Variants in PRKCA observed in about 807,000 individuals in gnomAD.
PRKCA encodes protein kinase C alpha type.
Under a neutral mutation model 87.0 loss-of-function variants are expected in PRKCA, and 27 were observed. That is an observed-to-expected ratio of 0.31 (90% CI 0.23 to 0.43). PRKCA has a LOEUF of 0.43. Ranked by LOEUF, PRKCA falls within the 20% of genes least tolerant of loss-of-function variation. PRKCA has a pLI of 1.00. For missense variants in PRKCA, 518 were observed against 852.3 expected (o/e 0.61, Z 4.88); for synonymous variants, 329 against 311.1 (o/e 1.06, Z -0.61).
intron 2 of PRKCA, among the ~76,000 whole-genome samples, chr17:66,488,239 G>A (rs768885375): frequency 1.3e-5 from 2 of 152,160 alleles, no homozygotes; most frequent in African/African-American, 2.4e-5. Flanking sequence ...TCAAACTGGC[G>A]TGAACAATAA....
At chr17:66,697,320 C>T (rs1006587352) in intron 8 of PRKCA, among the ~76,000 whole-genome samples, 3 of 152,198 alleles carry the variant, frequency 2.0e-5, no homozygotes, top group Non-Finnish European at 2.9e-5. Flanking sequence ...CCATCATTCC[C>T]CTGTAGACGC....
In PRKCA at chr17:66,803,938, T is replaced by C. The variant is rs1975962581; in HGVS notation, c.1920T>C (p.Pro640=). The part of the protein sequence containing the change: ...FTRGQPVLTP[P]DQLVIANIDQ... ...GAGGACAGCCCGTCTTAACACCACC[T>C]GATCAGCTGGTTATTGCTAACATAG... Residue 640 remains proline, a synonymous_variant, in exon 17 of 17, where the codon CCT becomes CCC. Transcript: ENST00000413366. The surrounding 1 kb of genome is among the most constrained non-coding windows in gnomAD (Gnocchi z 4.4). The C allele has an allele frequency of 6.2e-7, 1 of 1,614,084 alleles. No homozygotes were observed. The highest frequency in any genetic ancestry group is 1.3e-5 in the African/African-American group (1 of 75,060).
At chr17:66,387,743 C>G (rs1212333522) in intron 2 of PRKCA, among the ~76,000 whole-genome samples, 1 of 152,192 alleles carries the variant, frequency 6.6e-6, no homozygotes, top group Non-Finnish European at 1.5e-5. Flanking sequence ...GGGTGCCCCG[C>G]AGCAGTTAGA....
chr17:66,547,829 A>G (rs1968193892), intron 3 of PRKCA, among the ~76,000 whole-genome samples: 1 of 152,244 alleles, frequency 6.6e-6, no homozygotes, highest in African/African-American at 2.4e-5. Flanking sequence ...GCAAGCAAAG[A>G]AACCATCTTA....
chr17:66,310,343 A>T (rs978942634), intron 2 of PRKCA, among the ~76,000 whole-genome samples: 5 of 152,162 alleles, frequency 3.3e-5, no homozygotes, highest in Non-Finnish European at 7.3e-5. Context: ...CATGACCAAC[A>T]GGAGCCTGTT....
chr17:66,606,029 C>T (rs374798136), intron 3 of PRKCA, among the ~76,000 whole-genome samples: 29 of 152,260 alleles, frequency 1.9e-4, no homozygotes, highest in African/African-American at 6.7e-4. Context: ...TAAAAACCAT[C>T]GAACTGTATA....
chr17:66,509,073 C>T (rs1366694086), intron 3 of PRKCA, among the ~76,000 whole-genome samples: 2 of 152,086 alleles, frequency 1.3e-5, no homozygotes, highest in African/African-American at 4.8e-5. Context: ...TAATAGGCTT[C>T]CCCTGGCGCT....
At chr17:66,544,324 C>G (rs1045122711) in intron 3 of PRKCA, among the ~76,000 whole-genome samples, 4 of 152,142 alleles carry the variant, frequency 2.6e-5, no homozygotes, top group African/African-American at 9.7e-5. Flanking sequence ...ACTATAAACA[C>G]TAGTATTCTA....
chr17:66,696,284 A>G (rs980453447), intron 8 of PRKCA: 5 of 152,212 alleles, frequency 3.3e-5, no homozygotes, highest in Non-Finnish European at 7.3e-5. Context: ...CAGATTACTC[A>G]ATGTTTGAGC....
At chr17:66,453,730 C>T (rs1466694538) in intron 2 of PRKCA, among the ~76,000 whole-genome samples, 2 of 152,128 alleles carry the variant, frequency 1.3e-5, no homozygotes, top group Non-Finnish European at 2.9e-5. Flanking sequence ...CAGAGTAGGG[C>T]TTCCTGGGAC....
intron 3 of PRKCA, among the ~76,000 whole-genome samples, chr17:66,514,362 C>T (rs140480164): frequency 5.9e-4 from 90 of 152,120 alleles, no homozygotes; most frequent in African/African-American, 1.7e-3. Flanking sequence ...TGAAACATAC[C>T]CACCCATCTG....
chr17:66,738,258 G>A (rs953868933), intron 10 of PRKCA, among the ~76,000 whole-genome samples: 4 of 152,188 alleles, frequency 2.6e-5, no homozygotes, highest in Non-Finnish European at 5.9e-5. Flanking sequence ...TAAATATATT[G>A]AGCATGTGTA....
chr17:66,760,668 A>G (rs1473799417), intron 13 of PRKCA, among the ~76,000 whole-genome samples: 1 of 152,246 alleles, frequency 6.6e-6, no homozygotes, highest in African/African-American at 2.4e-5. Flanking sequence ...AAGAGAGAGC[A>G]CAAGTTACTA....
chr17:66,517,985 A>C (rs897792460), intron 3 of PRKCA, among the ~76,000 whole-genome samples: 2 of 152,204 alleles, frequency 1.3e-5, no homozygotes, highest in African/African-American at 4.8e-5. Flanking sequence ...TAACCAGAGA[A>C]GAACAAGGCA....
In PRKCA at chr17:66,732,697, C is replaced by T; in HGVS notation, c.928C>T (p.Leu310Phe). ...ELRQKFEKAK[L>F]GPAGNKVISP... is the part of the protein sequence containing the mutation. The stretch of plus-strand genomic sequence containing the variant: ...TGTGCTTGTTATTTAGAAAGCCAAA[C>T]TTGGCCCTGCTGGCAACAAAGTCAT... The change falls in exon 9 of 17, where the codon CTT becomes TTT. Residue 310 changes from leucine to phenylalanine, a missense_variant. Physicochemically the swap from Leu to Phe is conservative, Grantham distance 22 (BLOSUM62 0). This residue lies in a region of PRKCA where 300 missense variants were observed against 496.8 expected (regional missense o/e 0.60). Coordinates refer to ENST00000413366, the MANE Select transcript of PRKCA (RefSeq NM_002737.3). 1 of 1,614,094 alleles carries T rather than the reference C, an allele frequency of 6.2e-7. No homozygotes were observed. Among genetic ancestry groups the T allele is most frequent in the South Asian group, 1.1e-5 (1 of 91,042 alleles).
intron 16 of PRKCA, among the ~76,000 whole-genome samples, chr17:66,795,047 T>C (rs1975635162): frequency 6.6e-6 from 1 of 152,232 alleles, no homozygotes; most frequent in Admixed American, 6.5e-5. Flanking sequence ...AACCTTAATA[T>C]ATACTTATTT....
At chr17:66,658,697 G>C (rs1414399111) in intron 5 of PRKCA, among the ~76,000 whole-genome samples, 6 of 152,158 alleles carry the variant, frequency 3.9e-5, no homozygotes, top group Non-Finnish European at 8.8e-5. Flanking sequence ...TGTTGAATAC[G>C]TATTAGGGGT....
chr17:66,319,735 CTTT>C (rs35439479), intron 2 of PRKCA, among the ~76,000 whole-genome samples: 73 of 150,330 alleles, frequency 4.9e-4, no homozygotes, highest in African/African-American at 1.5e-3. Context: ...TCATATACTT[CTTT>C]TTTTTTTTTA....
chr17:66,782,829 C>T (rs1443828336), intron 14 of PRKCA, among the ~76,000 whole-genome samples: 5 of 152,158 alleles, frequency 3.3e-5, no homozygotes, highest in African/African-American at 9.7e-5. Flanking sequence ...GTGGGGCAGG[C>T]GGAATTGCTC....
Sources: gnomAD v4.1 joint callset for allele counts (sites outside exome capture counted in the v4.1 genomes callset) on GRCh38, gnomAD v4.1.1 for gene constraint, gnomAD v4.1.1 regional missense constraint, Gnocchi (gnomAD v3.1) non-coding constraint, MANE v1.5 for transcripts, NCBI Gene and HGNC (gene_info 2026-07-23, HGNC 2026-07-21) for gene names.